Variants in FOCAD observed in about 807,000 individuals in gnomAD.
FOCAD encodes focadhesin, also known as KIAA1797.
In FOCAD, 198 loss-of-function variants were observed where a neutral mutation model predicts 225.6. The ratio of observed to expected loss-of-function variants is 0.88; its 90% CI spans 0.78 to 0.99. FOCAD has a LOEUF of 0.99. Ranked by LOEUF, FOCAD falls within the 50% of genes least tolerant of loss-of-function variation. The probability of loss-of-function intolerance (pLI) is 0.00; values close to 1 mark genes in which losing one functional copy is unlikely to be tolerated. For synonymous variants in FOCAD, 897 were observed against 755.0 expected, an observed-to-expected ratio of 1.19 and a Z score of -3.08; for missense variants, 2,713 against 2,123.6, an observed-to-expected ratio of 1.28 and a Z score of -5.46.
At position 20,690,567 on chromosome 9, in the gene FOCAD, G is replaced by C. The variant is rs115820577; in HGVS notation, c.-33+6274G>C. The stretch of plus-strand genomic sequence containing the variant: ...TAAAAGTGACTTTATTTTTCATCTA[G>C]AGACAGAGTCTTGCTCTGTCGCCCT... On this transcript the variant is annotated intron_variant, in intron 1 of 43. Coordinates refer to ENST00000338382, the MANE Select transcript of FOCAD (RefSeq NM_001375567.1). Among the ~76,000 whole-genome samples, 189 of 151,972 alleles carry C rather than the reference G, an allele frequency of 1.2e-3. 2 individuals carry two copies. The highest frequency in any genetic ancestry group is 4.4e-3 in the African/African-American group (184 of 41,390).
At chr9:20,769,335 T>C (rs1428250944) in intron 7 of FOCAD, among the ~76,000 whole-genome samples, 2 of 152,242 alleles carry the variant, frequency 1.3e-5, no homozygotes, top group Non-Finnish European at 2.9e-5. Flanking sequence ...GGCTCCTGAT[T>C]GAAGCAGATG....
In FOCAD at chr9:20,966,360, C is replaced by T. The variant is rs1450066092; in HGVS notation, c.4133-10060C>T. 2.0e-5 allele frequency among the ~76,000 whole-genome samples: 3 copies of T among 151,672 alleles called. No homozygotes were observed. In the South Asian group the frequency reaches 6.2e-4, roughly 32 times the overall value. On this transcript the variant is annotated intron_variant, in intron 35 of 43. Transcript: ENST00000338382. ...GAGAATTATCTGTTCAAGTCCTTTG[C>T]CTATTTAAAAAAAAAATAAATTGCC...
At chr9:20,804,610 A>G (rs1030273686) in intron 11 of FOCAD, among the ~76,000 whole-genome samples, 1 of 151,672 alleles carries the variant, frequency 6.6e-6, no homozygotes, top group African/African-American at 2.4e-5. Context: ...TTGTTGTGCA[A>G]AAAGTGTTAT....
chr9:20,733,534 T>G (rs200926071), intron 4 of FOCAD, among the ~76,000 whole-genome samples: 1 of 152,006 alleles, frequency 6.6e-6, no homozygotes, highest in Non-Finnish European at 1.5e-5. Flanking sequence ...AGTCCCCAGA[T>G]TGTGATGTTC....
chr9:20,740,601 C>G (rs1471502137), intron 5 of FOCAD, among the ~76,000 whole-genome samples: 1 of 152,026 alleles, frequency 6.6e-6, no homozygotes, highest in African/African-American at 2.4e-5. Flanking sequence ...TCAGATTATT[C>G]TGTTTACTCT....
chr9:20,954,285 G>C (rs9298812), intron 35 of FOCAD, among the ~76,000 whole-genome samples: 149,117 of 152,258 alleles, frequency 0.98, 73,119 homozygotes, highest in East Asian at 1. Context: ...AGTAGAGATG[G>C]CTTCATTAGG....
intron 2 of FOCAD, among the ~76,000 whole-genome samples, chr9:20,673,628 T>C (rs1822142640): frequency 6.6e-6 from 1 of 152,216 alleles, no homozygotes; most frequent in African/African-American, 2.4e-5. Flanking sequence ...AGGGTCTCAC[T>C]CTGTCACCTA....
chr9:20,949,225 G>C (rs1169004927), intron 32 of FOCAD, among the ~76,000 whole-genome samples: 1 of 152,122 alleles, frequency 6.6e-6, no homozygotes, highest in Non-Finnish European at 1.5e-5. Flanking sequence ...AATTTCAAAA[G>C]TTATTTGCAA....
upstream of FOCAD, chr9:20,684,031 G>T (rs1822499055): frequency 6.6e-6 from 1 of 152,376 alleles, no homozygotes; most frequent in African/African-American, 2.4e-5. Flanking sequence ...CAGCCCCCGC[G>T]CGCAGCCCTC....
intron 5 of FOCAD, among the ~76,000 whole-genome samples, chr9:20,753,134 A>T (rs1366234361): frequency 6.6e-6 from 1 of 152,096 alleles, no homozygotes; most frequent in East Asian, 1.9e-4. Context: ...CTCTTTTCCT[A>T]ACTGAATACT....
At chr9:20,773,422 T>G (rs897708654) in intron 8 of FOCAD, among the ~76,000 whole-genome samples, 4 of 152,196 alleles carry the variant, frequency 2.6e-5, no homozygotes, top group Admixed American at 2.6e-4. Flanking sequence ...GGCCCAAGTA[T>G]TCTCTATTTT....
chr9:20,995,017 C>G (rs1002545851), intron 43 of FOCAD, among the ~76,000 whole-genome samples: 1 of 151,916 alleles, frequency 6.6e-6, no homozygotes, highest in Non-Finnish European at 1.5e-5. Flanking sequence ...ACAGAACTTC[C>G]TATTTTAAAT....
At chr9:20,695,687 C>T (rs1823313527) in intron 1 of FOCAD, among the ~76,000 whole-genome samples, 1 of 152,174 alleles carries the variant, frequency 6.6e-6, no homozygotes, top group Non-Finnish European at 1.5e-5. Context: ...TGTCTCCTCT[C>T]CTTCTCTGTA....
rs536972737 is a variant in FOCAD at position 20,801,567 on chromosome 9, G to A, written c.1455+11959G>A. Among the ~76,000 whole-genome samples the A allele has an allele frequency of 2.0e-5, 3 of 152,204 alleles. No individual in the cohort carries two copies. In the East Asian group the frequency reaches 5.8e-4, roughly 30 times the overall value. ...GCATAGGGAAGAGAGGCTATACCTT[G>A]TAAAAAGTCATAATAGGGGCCATTT... On this transcript the variant is annotated intron_variant, in intron 11 of 43. Transcript: ENST00000338382.
intron 11 of FOCAD, among the ~76,000 whole-genome samples, chr9:20,812,881 A>T (rs999508753): frequency 4.6e-5 from 7 of 152,216 alleles, no homozygotes; most frequent in African/African-American, 1.7e-4. Context: ...TGGTAAACAC[A>T]TAACATGAAA....
At chr9:20,931,824 G>A (rs1450452991) in intron 27 of FOCAD, among the ~76,000 whole-genome samples, 1 of 150,858 alleles carries the variant, frequency 6.6e-6, no homozygotes, top group Non-Finnish European at 1.5e-5. Flanking sequence ...CTTGAGCCCA[G>A]GAGGCTGAGG....
intron 2 of FOCAD, among the ~76,000 whole-genome samples, chr9:20,661,643 G>A (rs376254223): frequency 1.4e-4 from 22 of 152,206 alleles, no homozygotes; most frequent in African/African-American, 3.6e-4. Context: ...GGGAAAAAGA[G>A]GTCAATATTT....
intron 19 of FOCAD, among the ~76,000 whole-genome samples, chr9:20,880,825 T>C (rs1459457623): frequency 6.6e-6 from 1 of 152,222 alleles, no homozygotes; most frequent in East Asian, 1.9e-4. Flanking sequence ...GTGGTTTTCT[T>C]TTTTCATTTT....
intron 4 of FOCAD, among the ~76,000 whole-genome samples, chr9:20,725,410 A>C (rs541192373): frequency 1.3e-5 from 2 of 152,356 alleles, no homozygotes; most frequent in African/African-American, 4.8e-5. Flanking sequence ...CTTCTAGCCT[A>C]CTATCCTTCA....
Sources: allele counts gnomAD v4.1 joint callset (sites outside exome capture counted in the v4.1 genomes callset), GRCh38; gene constraint gnomAD v4.1.1; transcripts MANE v1.5; gene names NCBI Gene and HGNC (gene_info 2026-07-23, HGNC 2026-07-21).